The following RGS13 variants were observed in gnomAD, a reference collection of about 807,000 sequenced individuals.
The protein encoded by RGS13 is regulator of G-protein signalling 13.
A neutral mutation model predicts 19.9 loss-of-function variants in RGS13; 14 were observed. The ratio of observed to expected loss-of-function variants is 0.70; its 90% CI spans 0.46 to 1.10. RGS13 has a LOEUF of 1.10. RGS13 is among the 50% of genes least tolerant of loss of function. RGS13 has a pLI of 0.00. For missense variants in RGS13, 205 were observed against 187.1 expected, an observed-to-expected ratio of 1.10 and a Z score of -0.56; for synonymous variants, 60 against 56.8, an observed-to-expected ratio of 1.06 and a Z score of -0.25.
chr1:192,651,029 AG>A (rs1663326482), intron 5 of RGS13, among the ~76,000 whole-genome samples: 1 of 151,970 alleles, frequency 6.6e-6, no homozygotes, highest in South Asian at 2.1e-4. Context: ...GACCACTGAG[AG>A]GGAGAGTTCA....
chr1:192,643,526 T>A (rs1241091592), intron 3 of RGS13, among the ~76,000 whole-genome samples: 1 of 151,972 alleles, frequency 6.6e-6, no homozygotes, highest in South Asian at 2.1e-4. Context: ...CCAGAGTAGA[T>A]AAAACCAGAT....
At chr1:192,657,849 A>G (rs1183522336) in intron 5 of RGS13, among the ~76,000 whole-genome samples, 2 of 152,050 alleles carry the variant, frequency 1.3e-5, no homozygotes, top group African/African-American at 2.4e-5. Flanking sequence ...TTTTCGTGTC[A>G]GCTTCATGAT....
chr1:192,659,569 G>A lies in RGS13; in HGVS notation c.*46G>A. 7.3e-7 allele frequency: 1 copy of A among 1,365,496 alleles called. No homozygotes were observed. Among genetic ancestry groups the A allele is most frequent in the African/African-American group, 1.5e-5 (1 of 67,204 alleles). The allele number at this position is 1,365,496 out of a possible 1,614,324, so 84.6% of individuals were successfully genotyped here. On this transcript the variant is annotated 3_prime_UTR_variant, in exon 7 of 7. Coordinates refer to ENST00000391995, the MANE Select transcript of RGS13 (RefSeq NM_002927.5). ...TAGAAAACAGTATATTGAAAGTGGT[G>A]GGTTTGATCTTTTTATTTAGAAACC...
intron 4 of RGS13, chr1:192,645,997 A>G (rs1663214323): frequency 6.6e-6 from 1 of 152,184 alleles, no homozygotes; most frequent in South Asian, 2.1e-4. Context: ...GGCATTCAAT[A>G]AACCTTGCCT....
chr1:192,659,260 A>G, intron 6 of RGS13, 78 bp from the exon 7 acceptor site: 1 of 1,006,484 alleles, frequency 9.9e-7, no homozygotes, highest in East Asian at 2.6e-5. Flanking sequence ...AGCAGAGAAT[A>G]AATTAAACCT....
chr1:192,639,001 A>G (rs1379597453), intron 3 of RGS13, among the ~76,000 whole-genome samples: 4 of 152,146 alleles, frequency 2.6e-5, no homozygotes, highest in Non-Finnish European at 5.9e-5. Context: ...ATAACATTAT[A>G]TCTATATATA....
At chr1:192,639,583 AAG>A (rs1192425802) in intron 3 of RGS13, among the ~76,000 whole-genome samples, 1 of 152,168 alleles carries the variant, frequency 6.6e-6, no homozygotes, top group Non-Finnish European at 1.5e-5. Context: ...GAAATTTAAA[AAG>A]AGGAAGAAAT....
chr1:192,645,420 C>T (rs932228579), intron 4 of RGS13: 1 of 152,124 alleles, frequency 6.6e-6, no homozygotes, highest in Non-Finnish European at 1.5e-5. Flanking sequence ...TTCATTATAA[C>T]ATTGTGCGAT....
intron 4 of RGS13, chr1:192,645,831 C>T (rs1663210826): frequency 6.6e-6 from 1 of 152,150 alleles, no homozygotes; most frequent in Non-Finnish European, 1.5e-5. Flanking sequence ...CTCCAATCAT[C>T]TCTCCCCATA....
intron 3 of RGS13, among the ~76,000 whole-genome samples, chr1:192,640,153 T>C (rs1270925774): frequency 6.6e-6 from 1 of 151,922 alleles, no homozygotes; most frequent in Non-Finnish European, 1.5e-5. Context: ...AGAGAAGACA[T>C]GTGAAGGAAG....
intron 5 of RGS13, among the ~76,000 whole-genome samples, chr1:192,654,024 C>T (rs1663392806): frequency 6.6e-6 from 1 of 151,850 alleles, no homozygotes. Context: ...ATGGGTGCAG[C>T]ACACCAACAT....
intron 5 of RGS13, 86 bp from the exon 6 acceptor site, chr1:192,658,115 A>G: frequency 1.1e-6 from 1 of 930,768 alleles, no homozygotes; most frequent in Non-Finnish European, 1.6e-6. Flanking sequence ...GTGAGTTTTT[A>G]ATCAGGCTTT....
chr1:192,648,513 G>A (rs6656719), intron 5 of RGS13, among the ~76,000 whole-genome samples: 12,174 of 152,148 alleles, frequency 0.08, 985 homozygotes, highest in African/African-American at 0.2. Flanking sequence ...CATGGGCTCA[G>A]TGCAGGAAAA....
rs768361269 is a variant in RGS13 at position 192,644,342 on chromosome 1, G to A, written c.8G>A (p.Arg3Lys). 47 of 1,609,968 alleles carry A rather than the reference G, an allele frequency of 2.9e-5. No individual in the cohort carries two copies. The highest frequency in any genetic ancestry group is 4.0e-5 in the Non-Finnish European group (47 of 1,177,172). Residue 3 changes from arginine (R) to lysine (K), a missense_variant, in exon 4 of 7, where the codon AGG becomes AAG. Transcript: ENST00000391995. MS[R>K]RNCWICKMCR... Reference sequence around the variant, plus strand: ...CTGTATTTCCTTAGAAAAATGAGCAGGCGGAATTGTTGGATTTGTAAGATG... The same window carrying A: ...CTGTATTTCCTTAGAAAAATGAGCAAGCGGAATTGTTGGATTTGTAAGATG...
rs1421265180 is a variant in RGS13, at chr1:192,660,026, T to A, written c.*503T>A. 1 of 152,144 alleles carries A rather than the reference T, an allele frequency of 6.6e-6. No homozygotes were observed. Among genetic ancestry groups the A allele is most frequent in the Non-Finnish European group, 1.5e-5 (1 of 68,000 alleles). The allele number at this position is 152,144 out of a possible 1,614,324, so 9.4% of individuals were successfully genotyped here. On this transcript the variant is annotated 3_prime_UTR_variant, in exon 7 of 7. Transcript: ENST00000391995. ...AGGTGTTCTTCAGAGACATTTTATC[T>A]ATAAAATTTTCCTACTATTATGTTC...
At chr1:192,656,163 T>C (rs1479134524) in intron 5 of RGS13, among the ~76,000 whole-genome samples, 5 of 152,070 alleles carry the variant, frequency 3.3e-5, no homozygotes. Context: ...CCAGATCATT[T>C]TCCTACCCCT....
chr1:192,641,245 AAAAGAAAGAAAAGAAAG>A (rs1268886631), intron 3 of RGS13, among the ~76,000 whole-genome samples: 53 of 86,214 alleles, frequency 6.1e-4, no homozygotes, highest in South Asian at 3.5e-3. Context: ...AGAAAGAAAG[AAAAGAAAGAAAAGAAAG>A]AAAGAAAGAA....
chr1:192,659,113 C>T, intron 6 of RGS13: 3 of 350,900 alleles, frequency 8.5e-6, no homozygotes, highest in Non-Finnish European at 1.5e-5. Flanking sequence ...CCTTGAGCCT[C>T]ATATTTTTCT....
At chr1:192,641,222 GAGAA>G (rs35214184) in intron 3 of RGS13, among the ~76,000 whole-genome samples, 6,125 of 64,586 alleles carry the variant, frequency 0.095, 749 homozygotes, top group African/African-American at 0.26. Flanking sequence ...GAAAGAAAGA[GAGAA>G]AGAAAGAAAG....
Sources: gnomAD v4.1 joint callset for allele counts (sites outside exome capture counted in the v4.1 genomes callset) on GRCh38, gnomAD v4.1.1 for gene constraint, MANE v1.5 for transcripts, NCBI Gene and HGNC (gene_info 2026-07-23, HGNC 2026-07-21) for gene names.